The following CDH13 variants were observed in gnomAD, a reference collection of about 807,000 sequenced individuals.
CDH13 encodes the protein cadherin-13.
A neutral mutation model predicts 63.8 loss-of-function variants in CDH13; 24 were observed. The observed-to-expected ratio is 0.38, with a 90% CI of 0.27 to 0.53. The LOEUF (loss-of-function observed/expected upper bound fraction) is 0.53. Ranked by LOEUF, CDH13 falls within the 20% of genes least tolerant of loss-of-function variation. The probability of loss-of-function intolerance (pLI) is 0.85; values close to 1 mark genes in which losing one functional copy is unlikely to be tolerated. For synonymous variants in CDH13, 503 were observed against 355.3 expected, an observed-to-expected ratio of 1.42 and a Z score of -4.67; for missense variants, 1,049 against 903.1, an observed-to-expected ratio of 1.16 and a Z score of -2.07.
chr16:83,397,606 A>G (rs1297912938), intron 6 of CDH13: 4 of 152,102 alleles, frequency 2.6e-5, no homozygotes, highest in South Asian at 2.1e-4. Flanking sequence ...TCACCCCAAT[A>G]CTTAGGAGGA....
intron 1 of CDH13, among the ~76,000 whole-genome samples, chr16:82,844,081 C>T (rs886470355): frequency 4.6e-5 from 7 of 152,134 alleles, no homozygotes; most frequent in African/African-American, 1.7e-4. Context: ...TCCTCATTTT[C>T]AGAATGTGTC....
intron 6 of CDH13, among the ~76,000 whole-genome samples, chr16:83,445,875 T>A (rs1342399649): frequency 6.6e-6 from 1 of 152,138 alleles, no homozygotes; most frequent in Non-Finnish European, 1.5e-5. Flanking sequence ...GGAAGATGAT[T>A]CCTACAAACC....
intron 4 of CDH13, among the ~76,000 whole-genome samples, chr16:83,172,560 A>C (rs7194027): frequency 0.38 from 57,974 of 151,728 alleles, 13,392 homozygotes; most frequent in African/African-American, 0.65. Flanking sequence ...AAGCCCAAAA[A>C]TGCCAAAAAA....
chr16:83,477,862 A>T, intron 6 of CDH13, among the ~76,000 whole-genome samples: 1 of 152,066 alleles, frequency 6.6e-6, no homozygotes, highest in Non-Finnish European at 1.5e-5. Context: ...AGTGTCTAAA[A>T]ATCCAAATTC....
intron 2 of CDH13, among the ~76,000 whole-genome samples, chr16:83,000,616 G>T (rs1234004881): frequency 2.1e-5 from 3 of 144,770 alleles, no homozygotes; most frequent in Non-Finnish European, 4.5e-5. Context: ...TTGAGAGGGA[G>T]TCTCGTTCTG....
Position 82,762,347 on chromosome 16 carries a change from G to C in CDH13, c.46-96015G>C, listed in dbSNP as rs188141405. On this transcript the variant is annotated intron_variant, in intron 1 of 13. Coordinates refer to ENST00000567109, the MANE Select transcript of CDH13 (RefSeq NM_001257.5). ...TATTCATAAAAAGAAAATTATTCAAGCTTGTACTTCTTGGCACAAAATATA... is the reference window on the plus strand; with the variant it reads ...TATTCATAAAAAGAAAATTATTCAACCTTGTACTTCTTGGCACAAAATATA... Among the ~76,000 whole-genome samples, 324 of 152,196 alleles carry C rather than the reference G, an allele frequency of 2.1e-3. 2 individuals are homozygous for C. Among genetic ancestry groups the C allele is most frequent in the South Asian group, 7.9e-3 (38 of 4,824 alleles).
At chr16:83,675,960 G>C (rs1366310938) in intron 9 of CDH13, among the ~76,000 whole-genome samples, 1 of 152,182 alleles carries the variant, frequency 6.6e-6, no homozygotes, top group Non-Finnish European at 1.5e-5. Flanking sequence ...CTGACACTGT[G>C]CTAGGTGCTG....
At chr16:82,736,943 T>G (rs2033704532) in intron 1 of CDH13, among the ~76,000 whole-genome samples, 1 of 152,200 alleles carries the variant, frequency 6.6e-6, no homozygotes, top group Non-Finnish European at 1.5e-5. Flanking sequence ...CATAATCGTG[T>G]TTCTTCCTCC....
At chr16:82,640,350 T>C (rs185027553) in intron 1 of CDH13, among the ~76,000 whole-genome samples, 2 of 152,334 alleles carry the variant, frequency 1.3e-5, no homozygotes, top group Admixed American at 6.5e-5. Flanking sequence ...TTTTGTCAAC[T>C]CTCTACTTTT....
chr16:83,227,609 G>A (rs28629443), intron 5 of CDH13, among the ~76,000 whole-genome samples: 7,864 of 152,192 alleles, frequency 0.052, 528 homozygotes, highest in African/African-American at 0.15. Flanking sequence ...AAGCAGATGC[G>A]TGACTGCTCT....
intron 2 of CDH13, among the ~76,000 whole-genome samples, chr16:82,979,202 T>C (rs796452001): frequency 4.4e-4 from 67 of 152,356 alleles, no homozygotes; most frequent in African/African-American, 1.6e-3. Context: ...GGGAAGTATC[T>C]AACTGGCTTT....
intron 1 of CDH13, among the ~76,000 whole-genome samples, chr16:82,664,557 G>A (rs533704834): frequency 3.4e-4 from 52 of 152,324 alleles, no homozygotes; most frequent in African/African-American, 1.3e-3. Context: ...CTTTCTGAGG[G>A]AGAAGGCTGG....
chr16:83,792,130 C>A (rs903450652), intron 13 of CDH13, among the ~76,000 whole-genome samples: 1 of 152,212 alleles, frequency 6.6e-6, no homozygotes, highest in African/African-American at 2.4e-5. Flanking sequence ...TGGACAGACA[C>A]GGCCTGCAAA....
chr16:83,022,660 G>A (rs945536642), intron 2 of CDH13, among the ~76,000 whole-genome samples: 1 of 152,114 alleles, frequency 6.6e-6, no homozygotes, highest in South Asian at 2.1e-4. Context: ...CAACTTCCAG[G>A]GTGACTGATT....
intron 8 of CDH13, among the ~76,000 whole-genome samples, chr16:83,605,317 A>C (rs1170480282): frequency 2.0e-5 from 3 of 152,202 alleles, no homozygotes; most frequent in Non-Finnish European, 4.4e-5. Context: ...ATGTTTGATA[A>C]TTTAAATTCA....
At chr16:82,650,664 C>T (rs984177878) in intron 1 of CDH13, among the ~76,000 whole-genome samples, 2 of 152,144 alleles carry the variant, frequency 1.3e-5, no homozygotes, top group Non-Finnish European at 2.9e-5. Flanking sequence ...ACCTCTCTAG[C>T]CTTGGTTTCC....
chr16:82,934,221 C>T (rs1347396095), intron 2 of CDH13, among the ~76,000 whole-genome samples: 1 of 152,232 alleles, frequency 6.6e-6, no homozygotes, highest in Non-Finnish European at 1.5e-5. Context: ...CAGATGTTCC[C>T]AAACTCCAAT....
chr16:83,549,255 A>T (rs1217403219), intron 7 of CDH13, among the ~76,000 whole-genome samples: 1 of 152,198 alleles, frequency 6.6e-6, no homozygotes, highest in Non-Finnish European at 1.5e-5. Flanking sequence ...TGGTTCCGAG[A>T]AAACATCCCA....
intron 5 of CDH13, among the ~76,000 whole-genome samples, chr16:83,324,053 T>A (rs1567591986): frequency 6.6e-6 from 1 of 151,800 alleles, no homozygotes; most frequent in East Asian, 1.9e-4. Flanking sequence ...TTTTTTTTTT[T>A]TTGAGGTGGA....
Sources: gnomAD v4.1 joint callset for allele counts (sites outside exome capture counted in the v4.1 genomes callset) on GRCh38, gnomAD v4.1.1 for gene constraint, MANE v1.5 for transcripts, NCBI Gene and HGNC (gene_info 2026-07-23, HGNC 2026-07-21) for gene names.